BLTP1: variants seen among roughly 807,000 people sequenced by gnomAD.
BLTP1 encodes the protein fragile site-associated protein.
the BLTP1 span, chr4:122,344,435 A>G: frequency 6.2e-7 from 1 of 1,613,892 alleles, no homozygotes; most frequent in Non-Finnish European, 8.5e-7. Flanking sequence ...TTCACTCAGT[A>G]TAAACCTTGA....
the BLTP1 span, chr4:122,201,262 A>G: frequency 4.2e-6 from 3 of 716,186 alleles, no homozygotes; most frequent in East Asian, 3.0e-5. Context: ...TGGGCTGAAA[A>G]TGTTAAAGAG....
the BLTP1 span, chr4:122,209,296 G>C: frequency 6.2e-7 from 1 of 1,612,678 alleles, no homozygotes; most frequent in Non-Finnish European, 8.5e-7. Context: ...AAAGTGGCCA[G>C]AAAACAGTTA....
the BLTP1 span, among the ~76,000 whole-genome samples, chr4:122,326,794 G>A: frequency 3.3e-5 from 5 of 151,486 alleles, no homozygotes; most frequent in Non-Finnish European, 7.4e-5. Context: ...ATTAAAGCAT[G>A]GTTAAATATA....
chr4:122,259,949 A>G, the BLTP1 span: 1 of 882,598 alleles, frequency 1.1e-6, no homozygotes, highest in Non-Finnish European at 1.4e-6. Flanking sequence ...TGACAATATT[A>G]AATAAAAATT....
chr4:122,263,960 T>C, the BLTP1 span: 2 of 347,336 alleles, frequency 5.8e-6, no homozygotes. Context: ...ACCTAATAAC[T>C]ATCATTCTAA....
At chr4:122,188,745 T>TTGTG in the BLTP1 span, among the ~76,000 whole-genome samples, 2 of 152,094 alleles carry the variant, frequency 1.3e-5, no homozygotes, top group Non-Finnish European at 2.9e-5. Flanking sequence ...TTCTCAATTT[T>TTGTG]TGTGTGTGTA....
the BLTP1 span, among the ~76,000 whole-genome samples, chr4:122,334,699 G>T: frequency 6.6e-6 from 1 of 151,664 alleles, no homozygotes; most frequent in Non-Finnish European, 1.5e-5. Context: ...TGGAAGTGTG[G>T]GCCAACCATT....
the BLTP1 span, among the ~76,000 whole-genome samples, chr4:122,184,139 G>A: frequency 1.8e-4 from 27 of 152,144 alleles, no homozygotes; most frequent in East Asian, 4.6e-3. Context: ...TCTCTCTAAG[G>A]AACAAACTAG....
the BLTP1 span, chr4:122,225,299 TAA>T: frequency 6.5e-6 from 1 of 153,058 alleles, no homozygotes; most frequent in Non-Finnish European, 1.5e-5. Context: ...CCCTTTCACT[TAA>T]TCCTTAGAAG....
chr4:122,244,207 A>C, the BLTP1 span: 1 of 335,210 alleles, frequency 3.0e-6, no homozygotes, highest in South Asian at 1.2e-4. Context: ...AATATGCTTA[A>C]AGAGGTCTGT....
chr4:122,330,308 T>C, the BLTP1 span, among the ~76,000 whole-genome samples: 18 of 151,962 alleles, frequency 1.2e-4, no homozygotes, highest in African/African-American at 4.3e-4. Flanking sequence ...TCCATACTAT[T>C]TTCCCTAGCA....
chr4:122,207,308 A>C, the BLTP1 span: 1 of 1,510,710 alleles, frequency 6.6e-7, no homozygotes, highest in East Asian at 2.3e-5. Context: ...TCTCTCATTA[A>C]GGCAAATACC....
At chr4:122,202,019 G>A in the BLTP1 span, 5 of 323,030 alleles carry the variant, frequency 1.5e-5, no homozygotes, top group African/African-American at 9.0e-5. Flanking sequence ...TTGTGAAATA[G>A]GGATAACAAT....
the BLTP1 span, chr4:122,211,132 A>G: frequency 6.5e-7 from 1 of 1,533,608 alleles, no homozygotes; most frequent in Non-Finnish European, 8.9e-7. Context: ...ACTTTTAAAT[A>G]TAGACAAAGC....
chr4:122,305,570 A>C, the BLTP1 span: 2 of 984,590 alleles, frequency 2.0e-6, no homozygotes, highest in African/African-American at 3.5e-5. Flanking sequence ...ATGAACAAAA[A>C]TTTCTTGTCA....
chr4:122,339,707 A>G, the BLTP1 span, among the ~76,000 whole-genome samples: 1 of 152,162 alleles, frequency 6.6e-6, no homozygotes, highest in African/African-American at 2.4e-5. Context: ...AATAATCCAC[A>G]TGTTCAAGTA....
chr4:122,222,554 G>A, the BLTP1 span, among the ~76,000 whole-genome samples: 1 of 152,078 alleles, frequency 6.6e-6, no homozygotes, highest in African/African-American at 2.4e-5. Context: ...CAAGGTGTTG[G>A]CAGGGTCACA....
chr4:122,306,211 TAA>T, the BLTP1 span, among the ~76,000 whole-genome samples: 2 of 152,188 alleles, frequency 1.3e-5, no homozygotes, highest in African/African-American at 2.4e-5. Flanking sequence ...CTTCAGTTTT[TAA>T]AAGTTATTTT....
At chr4:122,242,348 A>T in the BLTP1 span, among the ~76,000 whole-genome samples, 3 of 152,112 alleles carry the variant, frequency 2.0e-5, no homozygotes, top group Admixed American at 2.0e-4. Context: ...TCTGGAGGGC[A>T]CTCTGTTAAG....
Sources: allele counts gnomAD v4.1 joint callset (sites outside exome capture counted in the v4.1 genomes callset), GRCh38; gene constraint gnomAD v4.1.1; transcripts MANE v1.5; gene names NCBI Gene and HGNC (gene_info 2026-07-23, HGNC 2026-07-21).